Variants in MUC5AC observed in about 807,000 individuals in gnomAD.
MUC5AC encodes mucin 5AC, oligomeric mucus/gel-forming, also known as mucin-5AC.
In MUC5AC, 158 loss-of-function variants were observed where a neutral mutation model predicts 169.7. That is an observed-to-expected ratio of 0.93 (90% CI 0.82 to 1.06). MUC5AC has a LOEUF of 1.06. Among genes scored for constraint, MUC5AC ranks in the 50% least tolerant of loss-of-function variants. The probability of loss-of-function intolerance (pLI) is 0.00; values close to 1 mark genes in which losing one functional copy is unlikely to be tolerated. For synonymous variants in MUC5AC, 1,975 were observed against 1,237.0 expected (o/e 1.60, Z -12.52); for missense variants, 4,359 against 3,089.9 (o/e 1.41, Z -9.74).
rs1309014210 is a variant in MUC5AC at position 1,199,575 on chromosome 11, G to A, written c.16515+85G>A. 1.0e-5 allele frequency: 7 copies of A among 692,336 alleles called. No homozygotes were observed. The Admixed American group carries it at 1.2e-4, about 12-fold the overall frequency. The allele number at this position is 692,336 out of a possible 1,614,324, so 42.9% of individuals were successfully genotyped here. On this transcript the variant is annotated intron_variant, in intron 46 of 48. Transcript: ENST00000621226. ...GGCTGTGATCATCCCTGCAGCGCCA[G>A]CAGACACCCCCTCCTGCTTGGGGCT...
In MUC5AC at chr11:1,194,232, G is replaced by A. The variant is rs761229771; in HGVS notation, c.14878G>A (p.Val4960Met). Residue 4960 changes from valine to methionine, a missense_variant, in exon 34 of 49, where the codon GTG becomes ATG. Physicochemically the swap from Val to Met is conservative, Grantham distance 21. Transcript: ENST00000621226. ...QIVPVYGHFR[V>M]LVDNYFCGAE... is the part of the protein sequence containing the mutation. Reference sequence around the variant, plus strand: ...TGTGCCCGTGTATGGCCACTTCCGCGTGCTCGTCGACAACTACTTCTGCGG... The same window carrying A: ...TGTGCCCGTGTATGGCCACTTCCGCATGCTCGTCGACAACTACTTCTGCGG... 5.2e-6 allele frequency: 4 copies of A among 764,830 alleles called. No homozygotes were observed. The highest frequency in any genetic ancestry group is 5.1e-5 in the Admixed American group (3 of 58,982). 47.4% of individuals were successfully genotyped at this position (764,830 alleles called of 1,614,324 possible).
At chr11:1,182,082 G>T (rs1396240884) in intron 30 of MUC5AC, 73 bp from the exon 31 acceptor site, 3 of 333,660 alleles carry the variant, frequency 9.0e-6, no homozygotes, top group Non-Finnish European at 1.5e-5. Flanking sequence ...ACCGGTGACA[G>T]AGCCGCAGGG....
chr11:1,169,487 CCTCA>C (rs1424065873), intron 15 of MUC5AC, among the ~76,000 whole-genome samples: 2 of 109,990 alleles, frequency 1.8e-5, no homozygotes, highest in Non-Finnish European at 3.9e-5. Context: ...CACTCACTCA[CCTCA>C]CTCACTCACC....
intron 11 of MUC5AC, among the ~76,000 whole-genome samples, chr11:1,166,199 CA>C (rs1234092758): frequency 1.3e-4 from 19 of 147,996 alleles, no homozygotes. Context: ...CTGCACCCAA[CA>C]CACAGTCTAC....
At chr11:1,196,998 T>G (rs1590153793) in intron 40 of MUC5AC, 90 bp downstream of exon 40, 1 of 703,110 alleles carries the variant, frequency 1.4e-6, no homozygotes, top group African/African-American at 1.7e-5. Context: ...AATGGTCAGG[T>G]GGGGCTCAGG....
At position 1,190,979 on chromosome 11, in the gene MUC5AC, A is replaced by C. The variant is rs1861078259; in HGVS notation, c.12834A>C (p.Thr4278=). The C allele has an allele frequency of 1.3e-6, 1 of 744,158 alleles. No homozygotes were observed. The highest frequency in any genetic ancestry group is 2.4e-6 in the Non-Finnish European group (1 of 408,958). The allele number at this position is 744,158 out of a possible 1,614,324, so 46.1% of individuals were successfully genotyped here. A position where few individuals can be genotyped will look rare whatever the true frequency, so the allele number is the denominator to read the frequency against. The part of the protein sequence containing the change: ...AATTSTTSAP[T]TRTTSAPTSS... ...CAACCAGCACAACCTCTGCTCCTAC[A>C]ACCAGAACAACATCTGCTCCTACAA... Residue 4278 remains threonine, a synonymous_variant, in exon 31 of 49, where the codon ACA becomes ACC. Coordinates refer to ENST00000621226, the MANE Select transcript of MUC5AC (RefSeq NM_001304359.2).
rs1861092446 is a variant in MUC5AC at position 1,191,362 on chromosome 11, GA to G, written c.13219del (p.Ser4407ValfsTer64). On this transcript the variant is annotated frameshift_variant, in exon 31 of 49. Transcript: ENST00000621226. LOFTEE classifies it high-confidence loss of function. ...ACAGCCAGCACAACCTCTGGTCCTG[GA>G]AGTACTCCCAGCCCTGTTCCCACCA... ...ASTASTTSGP[G>X]STPSPVPTTS... The G allele has an allele frequency of 1.3e-5, 10 of 743,168 alleles. No individual in the cohort carries two copies. The African/African-American group carries it at 1.7e-4, about 12-fold the overall frequency. The allele number at this position is 743,168 out of a possible 1,614,324, so 46.0% of individuals were successfully genotyped here. A position where few individuals can be genotyped will look rare whatever the true frequency, so the allele number is the denominator to read the frequency against.
intron 6 of MUC5AC, 67 bp from the exon 7 acceptor site, chr11:1,163,815 C>G (rs1165478635): frequency 7.6e-7 from 1 of 1,313,226 alleles, no homozygotes; most frequent in Non-Finnish European, 1.1e-6. Context: ...GGGGGCTCTG[C>G]TGCTCGGGTG....
intron 3 of MUC5AC, 26 bp downstream of exon 3, chr11:1,161,612 G>C (rs746839988): frequency 1.2e-6 from 2 of 1,602,988 alleles, no homozygotes; most frequent in South Asian, 2.2e-5. Flanking sequence ...AGGCCTGGGT[G>C]GGGAAGGGTC....
At position 1,185,725 on chromosome 11, in the gene MUC5AC, G is replaced by A. The variant is rs1860925619; in HGVS notation, c.7580G>A (p.Gly2527Asp). 10 of 728,400 alleles carry A rather than the reference G, an allele frequency of 1.4e-5. No individual in the cohort carries two copies. Among genetic ancestry groups the A allele is most frequent in the Non-Finnish European group, 1.7e-5 (7 of 402,056 alleles). 45.1% of individuals were successfully genotyped at this position (728,400 alleles called of 1,614,324 possible). A position where few individuals can be genotyped will look rare whatever the true frequency, so the allele number is the denominator to read the frequency against. Reference sequence around the variant, plus strand: ...GCTTCTACAACCAGCACAACCTCTGGTGCTGGAACTACTCCCAGCCCTGTT... The same window carrying A: ...GCTTCTACAACCAGCACAACCTCTGATGCTGGAACTACTCCCAGCCCTGTT... The part of the protein sequence containing the change: ...TSASTTSTTS[G>D]AGTTPSPVPT... Residue 2527 changes from glycine (G) to aspartate (D), a missense_variant, in exon 31 of 49, where the codon GGT (glycine) becomes GAT (aspartate). By Grantham distance (94) the Gly-to-Asp change is moderately conservative (BLOSUM62 -1). Coordinates refer to ENST00000621226, the MANE Select transcript of MUC5AC (RefSeq NM_001304359.2).
chr11:1,159,946 G>A (rs1334197336), intron 1 of MUC5AC, among the ~76,000 whole-genome samples: 1 of 143,626 alleles, frequency 7.0e-6, no homozygotes, highest in Non-Finnish European at 1.5e-5. Flanking sequence ...GTGTGGGGCT[G>A]GGGCTGGTCC....
Position 1,183,782 on chromosome 11 carries a change from C to T in MUC5AC, c.5637C>T (p.Ser1879=). The T allele has an allele frequency of 2.2e-6, 1 of 447,478 alleles. No individual in the cohort carries two copies. The highest frequency in any genetic ancestry group is 7.0e-5 in the South Asian group (1 of 14,340). The allele number at this position is 447,478 out of a possible 1,614,324, so 27.7% of individuals were successfully genotyped here. ...SKTTETQASG[S]SAPSSTPGTV... ...CCACTGAAACCCAGGCCTCAGGCTCCTCAGCCCCCAGCAGCACACCTGGCA... is the reference window on the plus strand; with the variant it reads ...CCACTGAAACCCAGGCCTCAGGCTCTTCAGCCCCCAGCAGCACACCTGGCA... The change falls in exon 31 of 49, where the codon TCC becomes TCT. Residue 1879 remains serine (S), a synonymous_variant. Transcript: ENST00000621226.
chr11:1,161,243 A>C (rs1420607656), intron 2 of MUC5AC, among the ~76,000 whole-genome samples: 1 of 152,142 alleles, frequency 6.6e-6, no homozygotes, highest in African/African-American at 2.4e-5. Context: ...ATGCAGACTC[A>C]GGTTCTGAGG....
In MUC5AC at chr11:1,190,798, C is replaced by G; in HGVS notation, c.12653C>G (p.Thr4218Ser). 2.8e-6 allele frequency: 2 copies of G among 722,064 alleles called. No individual in the cohort carries two copies. Among genetic ancestry groups the G allele is most frequent in the East Asian group, 2.6e-5 (1 of 38,608 alleles). The allele number at this position is 722,064 out of a possible 1,614,324, so 44.7% of individuals were successfully genotyped here. ...ACCTCAGCTGCTACAAGCAGCACAA[C>G]CTCCGGTTCTGGAACTACTCCAAGC... ...SKTSAATSST[T>S]SGSGTTPSPV... The change falls in exon 31 of 49, where the codon ACC becomes AGC. Residue 4218 changes from threonine (T) to serine (S), a missense_variant. Transcript: ENST00000621226.
chr11:1,198,422 T>C (rs1367854800), intron 43 of MUC5AC, 117 bp downstream of exon 43: 3 of 682,776 alleles, frequency 4.4e-6, no homozygotes, highest in Non-Finnish European at 8.1e-6. Flanking sequence ...GGGACTCGAG[T>C]CTCTGCAGAC....
Position 1,179,248 on chromosome 11 carries a change from C to T in MUC5AC, c.3484C>T (p.Pro1162Ser), listed in dbSNP as rs1860755424. 23 of 576,482 alleles carry T rather than the reference C, an allele frequency of 4.0e-5. No homozygotes were observed. The highest frequency in any genetic ancestry group is 3.8e-4 in the South Asian group (18 of 47,658). 35.7% of individuals were successfully genotyped at this position (576,482 alleles called of 1,614,324 possible). A position where few individuals can be genotyped will look rare whatever the true frequency, so the allele number is the denominator to read the frequency against. The change falls in exon 26 of 49, where the codon CCT (proline) becomes TCT (serine). Residue 1162 changes from proline (P) to serine (S), a missense_variant and splice_region_variant. Coordinates refer to ENST00000621226, the MANE Select transcript of MUC5AC (RefSeq NM_001304359.2). ...CVSWRTPSIC[P>S]LFCDYYNPEG... ...GTCCTGGCGGACCCCGAGCATCTGC[C>T]GTGAGTGCGAGTGGGCACCTGGGGA...
intron 11 of MUC5AC, among the ~76,000 whole-genome samples, chr11:1,167,344 C>G (rs1213302854): frequency 6.6e-6 from 1 of 151,976 alleles, no homozygotes; most frequent in African/African-American, 2.4e-5. Context: ...ACCCTGCACC[C>G]AACACACAGT....
chr11:1,170,497 C>T (rs1860476800), intron 15 of MUC5AC, among the ~76,000 whole-genome samples: 2 of 127,034 alleles, frequency 1.6e-5, no homozygotes, highest in Admixed American at 7.8e-5. Flanking sequence ...ACTCACTCAC[C>T]CACTCACCGA....
rs765843853 is a variant in MUC5AC at position 1,191,918 on chromosome 11, T to C, written c.13773T>C (p.Thr4591=). The stretch of plus-strand genomic sequence containing the variant: ...CCAGCACGACCTCTGGTCCTGGAAC[T>C]ACTCCCAGCCCCGTTCCCACCACCA... The part of the protein sequence containing the change: ...PTTSTTSGPG[T]TPSPVPTTST... Residue 4591 remains threonine, a synonymous_variant, in exon 31 of 49, where the codon ACT becomes ACC. Coordinates refer to ENST00000621226, the MANE Select transcript of MUC5AC (RefSeq NM_001304359.2). The C allele has an allele frequency of 1.3e-6, 1 of 764,484 alleles. No homozygotes were observed. Among genetic ancestry groups the C allele is most frequent in the Non-Finnish European group, 2.4e-6 (1 of 417,676 alleles). The allele number at this position is 764,484 out of a possible 1,614,324, so 47.4% of individuals were successfully genotyped here. A position where few individuals can be genotyped will look rare whatever the true frequency, so the allele number is the denominator to read the frequency against.
Sources: allele counts gnomAD v4.1 joint callset (sites outside exome capture counted in the v4.1 genomes callset), GRCh38; gene constraint gnomAD v4.1.1; transcripts MANE v1.5; gene names NCBI Gene and HGNC (gene_info 2026-07-23, HGNC 2026-07-21).